Variants in BCHE observed in about 807,000 individuals in gnomAD.
The protein encoded by BCHE is cholinesterase.
A neutral mutation model predicts 51.3 loss-of-function variants in BCHE; 48 were observed. The ratio of observed to expected loss-of-function variants is 0.94; its 90% CI spans 0.74 to 1.19. The LOEUF is 1.19. BCHE is among the 50% of genes most tolerant of loss of function. The pLI is 0.00. For missense variants in BCHE, 847 were observed against 708.2 expected, an observed-to-expected ratio of 1.20 and a Z score of -2.23; for synonymous variants, 251 against 238.0, an observed-to-expected ratio of 1.05 and a Z score of -0.50.
intron 3 of BCHE, among the ~76,000 whole-genome samples, chr3:165,780,182 G>T (rs1366577407): frequency 1.3e-5 from 2 of 152,096 alleles, no homozygotes; most frequent in Non-Finnish European, 2.9e-5. Flanking sequence ...TCTAATAAAT[G>T]GTGCTGGGAA....
At chr3:165,814,338 G>A (rs1183328248) in intron 2 of BCHE, among the ~76,000 whole-genome samples, 1 of 151,784 alleles carries the variant, frequency 6.6e-6, no homozygotes, top group African/African-American at 2.4e-5. Flanking sequence ...ATTTTTTTAA[G>A]AAGATAAAAT....
intron 2 of BCHE, among the ~76,000 whole-genome samples, chr3:165,796,751 A>G (rs937140675): frequency 1.3e-5 from 2 of 152,120 alleles, no homozygotes; most frequent in African/African-American, 4.8e-5. Context: ...ATACTTCACT[A>G]AAGTCGTTGG....
intron 2 of BCHE, among the ~76,000 whole-genome samples, chr3:165,791,665 G>A (rs1713170788): frequency 6.6e-6 from 1 of 152,092 alleles, no homozygotes. Flanking sequence ...AATATCAAGA[G>A]TTCACAGCTG....
chr3:165,793,163 C>A (rs571397217), intron 2 of BCHE, among the ~76,000 whole-genome samples: 1 of 152,186 alleles, frequency 6.6e-6, no homozygotes, highest in South Asian at 2.1e-4. Context: ...GGCTTTAGGT[C>A]TTAAGCTTTT....
intron 3 of BCHE, among the ~76,000 whole-genome samples, chr3:165,785,785 C>T (rs1350437915): frequency 1.3e-5 from 2 of 151,546 alleles, no homozygotes; most frequent in African/African-American, 4.8e-5. Context: ...TAGTTCCATA[C>T]ATTATGATTA....
At chr3:165,794,506 C>T (rs1713295016) in intron 2 of BCHE, among the ~76,000 whole-genome samples, 1 of 152,120 alleles carries the variant, frequency 6.6e-6, no homozygotes, top group African/African-American at 2.4e-5. Flanking sequence ...GATGAGAGGG[C>T]TTACTTCTTG....
chr3:165,805,518 G>A (rs1293272697), intron 2 of BCHE, among the ~76,000 whole-genome samples: 2 of 152,084 alleles, frequency 1.3e-5, no homozygotes, highest in Admixed American at 1.3e-4. Flanking sequence ...GGCATACAAT[G>A]TTTTGTTACA....
At position 165,788,731 on chromosome 3, in the gene BCHE, G is replaced by A. The variant is rs73026277; in HGVS notation, c.1518-2420C>T. Among the ~76,000 whole-genome samples the A allele has an allele frequency of 6.5e-3, 991 of 152,194 alleles. 12 individuals carry two copies. Among genetic ancestry groups the A allele is most frequent in the African/African-American group, 0.023 (936 of 41,528 alleles). ...ATGGCAACGTAAACAGAGCTGACTCGTAGTTGAGTTCAAGAGCAAAGCACT... is the reference window on the plus strand; with the variant it reads ...ATGGCAACGTAAACAGAGCTGACTCATAGTTGAGTTCAAGAGCAAAGCACT... On this transcript the variant is annotated intron_variant, in intron 2 of 3. Coordinates refer to ENST00000264381, the MANE Select transcript of BCHE (RefSeq NM_000055.4).
At chr3:165,802,457 G>A (rs552979596) in intron 2 of BCHE, among the ~76,000 whole-genome samples, 20 of 152,114 alleles carry the variant, frequency 1.3e-4, no homozygotes, top group Non-Finnish European at 2.6e-4. Flanking sequence ...GAAAAGAGTA[G>A]GACCAGGGAG....
At chr3:165,823,939 T>G (rs1714623491) in intron 2 of BCHE, among the ~76,000 whole-genome samples, 1 of 150,716 alleles carries the variant, frequency 6.6e-6, no homozygotes, top group Non-Finnish European at 1.5e-5. Flanking sequence ...ACCAACTTTT[T>G]TTTTTTTTTT....
In BCHE at chr3:165,829,794, G is replaced by A. The variant is rs745364489; in HGVS notation, c.1240C>T (p.Arg414Cys). The A allele has an allele frequency of 1.8e-5, 29 of 1,613,564 alleles. No homozygotes were observed. Among genetic ancestry groups the A allele is most frequent in the Middle Eastern group, 1.6e-4 (1 of 6,080 alleles). The change falls in exon 2 of 4, where the codon CGT becomes TGT. Residue 414 changes from arginine to cysteine, a missense_variant. Transcript: ENST00000264381. ...CCAACAACATCACCCAAGGCCTCAC[G>A]GTAGTTTTCAGGTCTCTGATCATCT... ...WVDDQRPENY[R>C]EALGDVVGDY...
intron 3 of BCHE, among the ~76,000 whole-genome samples, chr3:165,773,902 A>G (rs913865785): frequency 7.9e-5 from 12 of 152,232 alleles, no homozygotes; most frequent in African/African-American, 2.6e-4. Flanking sequence ...ATATAGTTAT[A>G]TAACAGATAA....
intron 2 of BCHE, among the ~76,000 whole-genome samples, chr3:165,813,137 G>C (rs146117134): frequency 1.9e-3 from 285 of 151,808 alleles, no homozygotes; most frequent in African/African-American, 6.7e-3. Flanking sequence ...GATTTAGCAA[G>C]AGAAGTTGCA....
In BCHE at chr3:165,817,669, C is replaced by A. The variant is rs558188505; in HGVS notation, c.1517+11848G>T. Among the ~76,000 whole-genome samples, 3 of 152,144 alleles carry A rather than the reference C, an allele frequency of 2.0e-5. No individual in the cohort carries two copies. In the East Asian group the frequency reaches 5.8e-4, roughly 29 times the overall value. ...TAATAGAACTTTGTCAGAAGCTTTA[C>A]GTGACCGCCTTACAAATGATAACAC... On this transcript the variant is annotated intron_variant, in intron 2 of 3. Coordinates refer to ENST00000264381, the MANE Select transcript of BCHE (RefSeq NM_000055.4).
intron 2 of BCHE, among the ~76,000 whole-genome samples, chr3:165,809,675 T>A (rs1426922376): frequency 6.6e-6 from 1 of 152,150 alleles, no homozygotes; most frequent in Non-Finnish European, 1.5e-5. Flanking sequence ...TTTACTCTAA[T>A]AATTCACCCA....
intron 2 of BCHE, among the ~76,000 whole-genome samples, chr3:165,807,658 A>T (rs1387001865): frequency 1.3e-5 from 2 of 151,312 alleles, no homozygotes; most frequent in African/African-American, 4.9e-5. Context: ...AGGTTCAAGT[A>T]ATTACCTTGC....
intron 2 of BCHE, among the ~76,000 whole-genome samples, chr3:165,799,367 T>G (rs1292496056): frequency 6.6e-6 from 1 of 152,140 alleles, no homozygotes; most frequent in Non-Finnish European, 1.5e-5. Flanking sequence ...AATTTTAAGG[T>G]GTTGAACCTA....
At chr3:165,774,458 C>T (rs558853717) in intron 3 of BCHE, among the ~76,000 whole-genome samples, 31 of 152,076 alleles carry the variant, frequency 2.0e-4, no homozygotes, top group Admixed American at 1.3e-3. Flanking sequence ...CTCAGACTCC[C>T]GAGTAGCTGG....
At chr3:165,787,390 CA>C (rs1463145753) in intron 2 of BCHE, among the ~76,000 whole-genome samples, 1 of 151,564 alleles carries the variant, frequency 6.6e-6, no homozygotes. Context: ...ATATGAAACA[CA>C]AAGTTTTCCT....
Sources: gnomAD v4.1 joint callset for allele counts (sites outside exome capture counted in the v4.1 genomes callset) on GRCh38, gnomAD v4.1.1 for gene constraint, MANE v1.5 for transcripts, NCBI Gene and HGNC (gene_info 2026-07-23, HGNC 2026-07-21) for gene names.